Variants in RERE observed in about 807,000 individuals in gnomAD.
RERE encodes the protein arginine-glutamic acid dipeptide repeats protein.
A neutral mutation model predicts 146.1 loss-of-function variants in RERE; 40 were observed. That is an observed-to-expected ratio of 0.27 (90% CI 0.21 to 0.36). RERE has a LOEUF of 0.36. Ranked by LOEUF, RERE falls within the 10% of genes least tolerant of loss-of-function variation. The probability of loss-of-function intolerance (pLI) is 1.00; values close to 1 mark genes in which losing one functional copy is unlikely to be tolerated. For synonymous variants in RERE, 1,003 were observed against 866.0 expected (o/e 1.16, Z -2.78); for missense variants, 1,933 against 2,138.7 (o/e 0.90, Z 1.90).
chr1:8,448,107 A>G (rs574138066), intron 11 of RERE, among the ~76,000 whole-genome samples: 9 of 152,234 alleles, frequency 5.9e-5, no homozygotes, highest in East Asian at 5.8e-4. Flanking sequence ...CCATTAGAAC[A>G]TCATCTTCTT....
At chr1:8,445,202 C>T (rs1221636725) in intron 11 of RERE, among the ~76,000 whole-genome samples, 1 of 152,202 alleles carries the variant, frequency 6.6e-6, no homozygotes, top group African/African-American at 2.4e-5. Flanking sequence ...CATGCTTCCA[C>T]ATCTCAGCTA....
At chr1:8,503,085 T>TAAAAAAAAAAAA (rs1380278514) in intron 8 of RERE, among the ~76,000 whole-genome samples, 1 of 124,984 alleles carries the variant, frequency 8.0e-6, no homozygotes, top group Admixed American at 8.9e-5. Context: ...AATGATCAAT[T>TAAAAAAAAAAAA]AAAAATAAAT....
intron 1 of RERE, among the ~76,000 whole-genome samples, chr1:8,693,085 G>A (rs1364896029): frequency 6.6e-6 from 1 of 152,148 alleles, no homozygotes; most frequent in Non-Finnish European, 1.5e-5. Context: ...CCACTACACT[G>A]ACAACACCAA....
intron 12 of RERE, among the ~76,000 whole-genome samples, chr1:8,403,139 T>C (rs1190892484): frequency 6.6e-6 from 1 of 152,206 alleles, no homozygotes; most frequent in Non-Finnish European, 1.5e-5. Flanking sequence ...CCCCGTGATC[T>C]GCCCATCTCG....
intron 17 of RERE, 28 bp downstream of exon 17, chr1:8,361,735 C>T (rs1029801890): frequency 6.4e-7 from 1 of 1,568,970 alleles, no homozygotes; most frequent in African/African-American, 1.4e-5. Context: ...ATTAGCTTTA[C>T]TCAGCAAGGC....
intron 1 of RERE, among the ~76,000 whole-genome samples, chr1:8,798,319 C>CA (rs1641519296): frequency 6.6e-6 from 1 of 152,074 alleles, no homozygotes; most frequent in African/African-American, 2.4e-5. Flanking sequence ...ATTGCTTGAA[C>CA]CTGGCTGGGG....
intron 1 of RERE, among the ~76,000 whole-genome samples, chr1:8,710,885 A>G (rs1263265986): frequency 6.6e-6 from 1 of 151,996 alleles, no homozygotes; most frequent in Non-Finnish European, 1.5e-5. Context: ...CTGGGATTAC[A>G]GTAGCAAAGT....
intron 8 of RERE, among the ~76,000 whole-genome samples, chr1:8,501,084 A>G (rs1570348630): frequency 1.1e-5 from 1 of 88,002 alleles, no homozygotes; most frequent in South Asian, 4.3e-4. Flanking sequence ...CCGGGAGGTG[A>G]GGGGCTCCTC....
At chr1:8,447,007 T>TA (rs1444005773) in intron 11 of RERE, among the ~76,000 whole-genome samples, 1 of 151,866 alleles carries the variant, frequency 6.6e-6, no homozygotes, top group Non-Finnish European at 1.5e-5. Flanking sequence ...CTTTTTTCTC[T>TA]AATCTTGTCT....
intron 4 of RERE, among the ~76,000 whole-genome samples, chr1:8,579,083 A>T (rs1479462914): frequency 1.3e-5 from 2 of 152,200 alleles, no homozygotes; most frequent in Non-Finnish European, 2.9e-5. Context: ...CATCAAGCAC[A>T]AAGCTATGCC....
intron 1 of RERE, among the ~76,000 whole-genome samples, chr1:8,770,884 T>C (rs139356966): frequency 6.6e-6 from 1 of 152,344 alleles, no homozygotes; most frequent in East Asian, 1.9e-4. Flanking sequence ...AGTCTAAACA[T>C]CTATCAGTTG....
chr1:8,535,783 A>G (rs1645716705), intron 7 of RERE, among the ~76,000 whole-genome samples: 1 of 152,150 alleles, frequency 6.6e-6, no homozygotes, highest in African/African-American at 2.4e-5. Flanking sequence ...GGAGAAAAGG[A>G]TGAGAAGAGG....
chr1:8,726,137 T>TTTTTCTTTTC (rs1454857353), intron 1 of RERE, among the ~76,000 whole-genome samples: 1 of 144,988 alleles, frequency 6.9e-6, no homozygotes, highest in African/African-American at 2.7e-5. Flanking sequence ...CAGTTTTCCT[T>TTTTTCTTTTC]TTTTCTTTTC....
chr1:8,760,444 T>C (rs1640732519), intron 1 of RERE, among the ~76,000 whole-genome samples: 1 of 151,970 alleles, frequency 6.6e-6, no homozygotes, highest in South Asian at 2.1e-4. Context: ...AAAGAAAGAG[T>C]CCTGGGTCAG....
intron 1 of RERE, among the ~76,000 whole-genome samples, chr1:8,732,096 C>A (rs1185359415): frequency 6.6e-6 from 1 of 152,186 alleles, no homozygotes; most frequent in African/African-American, 2.4e-5. Flanking sequence ...AGCCACCACG[C>A]CCAGCCTGAA....
At chr1:8,523,548 G>A (rs1446578182) in intron 7 of RERE, among the ~76,000 whole-genome samples, 1 of 152,166 alleles carries the variant, frequency 6.6e-6, no homozygotes, top group Non-Finnish European at 1.5e-5. Flanking sequence ...AACTTCCCAT[G>A]TGCTGTTCCC....
At chr1:8,702,980 C>G (rs968464348) in intron 1 of RERE, 1 of 152,054 alleles carries the variant, frequency 6.6e-6, no homozygotes, top group Non-Finnish European at 1.5e-5. Flanking sequence ...ACCCCGAGCC[C>G]CCCGCCCGCA....
At chr1:8,672,774 A>C (rs1638746758) in intron 1 of RERE, among the ~76,000 whole-genome samples, 1 of 152,176 alleles carries the variant, frequency 6.6e-6, no homozygotes. Context: ...GTAACTTCAC[A>C]CTTTACAGTG....
At chr1:8,710,708 G>A (rs977645788) in intron 1 of RERE, among the ~76,000 whole-genome samples, 2 of 152,038 alleles carry the variant, frequency 1.3e-5, no homozygotes, top group African/African-American at 4.8e-5. Context: ...GTAGAGACGG[G>A]GTTTCACCGT....
Sources: gnomAD v4.1 joint callset for allele counts (sites outside exome capture counted in the v4.1 genomes callset) on GRCh38, gnomAD v4.1.1 for gene constraint, MANE v1.5 for transcripts, NCBI Gene and HGNC (gene_info 2026-07-23, HGNC 2026-07-21) for gene names.